The following ZNF385B variants were observed in gnomAD, a reference collection of about 807,000 sequenced individuals.
ZNF385B encodes the protein zinc finger protein 385B.
Under a neutral mutation model 39.2 loss-of-function variants are expected in ZNF385B, and 23 were observed. The observed-to-expected ratio is 0.59, with a 90% CI of 0.42 to 0.83. The LOEUF (loss-of-function observed/expected upper bound fraction) is 0.83. Ranked by LOEUF, ZNF385B falls within the 40% of genes least tolerant of loss-of-function variation. The pLI is 0.00. For missense variants in ZNF385B, 552 were observed against 598.9 expected, an observed-to-expected ratio of 0.92 and a Z score of 0.82; for synonymous variants, 205 against 222.6, an observed-to-expected ratio of 0.92 and a Z score of 0.70.
At position 179,686,762 on chromosome 2, in the gene ZNF385B, C is replaced by T. The variant is rs1399086460; in HGVS notation, c.298+82741G>A. ...CAGCTAAAAAGTATTTCTATTTTAACACTAAAAATTATCTTAATCTACTAA... is the reference window on the plus strand; with the variant it reads ...CAGCTAAAAAGTATTTCTATTTTAATACTAAAAATTATCTTAATCTACTAA... On this transcript the variant is annotated intron_variant, in intron 3 of 9. Coordinates refer to ENST00000410066, the MANE Select transcript of ZNF385B (RefSeq NM_152520.6). 6.6e-5 allele frequency among the ~76,000 whole-genome samples: 10 copies of T among 152,234 alleles called. No homozygotes were observed. In the East Asian group the frequency reaches 1.9e-3, roughly 29 times the overall value.
intron 1 of ZNF385B, among the ~76,000 whole-genome samples, chr2:179,782,709 C>G (rs1704745527): frequency 6.6e-6 from 1 of 152,220 alleles, no homozygotes; most frequent in Admixed American, 6.5e-5. Flanking sequence ...AGAGCCAAAT[C>G]AGAAAGGCAG....
chr2:179,727,226 C>T (rs552943134), intron 3 of ZNF385B, among the ~76,000 whole-genome samples: 9 of 152,030 alleles, frequency 5.9e-5, no homozygotes, highest in Admixed American at 1.3e-4. Flanking sequence ...TTTTTATAAA[C>T]TTAAAATATT....
intron 1 of ZNF385B, among the ~76,000 whole-genome samples, chr2:179,780,808 T>A (rs1704619567): frequency 6.6e-6 from 1 of 152,222 alleles, no homozygotes; most frequent in Admixed American, 6.5e-5. Flanking sequence ...AATTTTAATT[T>A]AGGATAACTT....
intron 3 of ZNF385B, among the ~76,000 whole-genome samples, chr2:179,653,056 T>C (rs2106251993): frequency 6.6e-6 from 1 of 152,234 alleles, no homozygotes; most frequent in East Asian, 1.9e-4. Context: ...TTTTAAGTAA[T>C]TGACTAAAGT....
rs115316969 is a variant in ZNF385B, at chr2:179,732,039, C to T, written c.298+37464G>A. 6.9e-3 allele frequency among the ~76,000 whole-genome samples: 1,056 copies of T among 152,292 alleles called. 6 individuals are homozygous for T. Among genetic ancestry groups the T allele is most frequent in the African/African-American group, 0.023 (951 of 41,566 alleles). On this transcript the variant is annotated intron_variant, in intron 3 of 9. Coordinates refer to ENST00000410066, the MANE Select transcript of ZNF385B (RefSeq NM_152520.6). ...GAAAGAAACTTTTTTGGATTAAGAT[C>T]GCTCTCTTTTTTGCACAAATGCTCA... is the stretch of plus-strand genomic sequence containing the variant.
At chr2:179,462,152 G>C (rs1193629325) in intron 6 of ZNF385B, among the ~76,000 whole-genome samples, 2 of 152,132 alleles carry the variant, frequency 1.3e-5, no homozygotes, top group African/African-American at 4.8e-5. Context: ...GTATTCACAA[G>C]CACCTTGTAC....
chr2:179,461,389 T>G (rs1478243586), intron 6 of ZNF385B, among the ~76,000 whole-genome samples: 1 of 152,116 alleles, frequency 6.6e-6, no homozygotes, highest in African/African-American at 2.4e-5. Context: ...AAGGTGGTAG[T>G]GGTAGAGAAT....
intron 1 of ZNF385B, among the ~76,000 whole-genome samples, chr2:179,773,065 G>T (rs997720473): frequency 1.3e-5 from 2 of 152,170 alleles, no homozygotes; most frequent in African/African-American, 4.8e-5. Flanking sequence ...ATTTCCACAG[G>T]AGTGATTTTA....
chr2:179,587,904 C>T (rs1687216687), intron 3 of ZNF385B, among the ~76,000 whole-genome samples: 1 of 152,184 alleles, frequency 6.6e-6, no homozygotes, highest in Admixed American at 6.5e-5. Flanking sequence ...TGAAATAAAA[C>T]AAACTTGCCC....
At chr2:179,845,113 G>A (rs112840873) in intron 1 of ZNF385B, among the ~76,000 whole-genome samples, 29 of 152,184 alleles carry the variant, frequency 1.9e-4, no homozygotes, top group South Asian at 8.3e-4. Flanking sequence ...AGCCCTACAC[G>A]TAGAAATGCC....
chr2:179,545,369 G>A (rs922646422), intron 3 of ZNF385B, among the ~76,000 whole-genome samples: 4 of 152,150 alleles, frequency 2.6e-5, no homozygotes, highest in African/African-American at 9.7e-5. Flanking sequence ...TTACTGAATG[G>A]CTAGTGGACA....
At chr2:179,624,276 C>T (rs1295428255) in intron 3 of ZNF385B, among the ~76,000 whole-genome samples, 2 of 152,182 alleles carry the variant, frequency 1.3e-5, no homozygotes, top group East Asian at 3.8e-4. Context: ...AGTGATTCTT[C>T]CCAGAAGGGT....
At chr2:179,574,331 C>T (rs1050956017) in intron 3 of ZNF385B, among the ~76,000 whole-genome samples, 1 of 152,120 alleles carries the variant, frequency 6.6e-6, no homozygotes, top group Non-Finnish European at 1.5e-5. Flanking sequence ...TAAATGAACT[C>T]AGTACAATTA....
chr2:179,756,257 A>G (rs969310808), intron 3 of ZNF385B, among the ~76,000 whole-genome samples: 2 of 152,188 alleles, frequency 1.3e-5, no homozygotes, highest in Non-Finnish European at 2.9e-5. Context: ...TTGGCTGGAT[A>G]TGAAATTCTG....
At chr2:179,623,515 T>C (rs1342159263) in intron 3 of ZNF385B, among the ~76,000 whole-genome samples, 1 of 152,102 alleles carries the variant, frequency 6.6e-6, no homozygotes, top group African/African-American at 2.4e-5. Flanking sequence ...ACTAGTGATA[T>C]CAAGAGGCAG....
intron 1 of ZNF385B, among the ~76,000 whole-genome samples, chr2:179,795,026 A>G (rs1437460219): frequency 6.6e-6 from 1 of 152,160 alleles, no homozygotes; most frequent in Non-Finnish European, 1.5e-5. Flanking sequence ...GTCTTGCATT[A>G]AAGGATTCTG....
chr2:179,562,284 A>T, intron 3 of ZNF385B: 1 of 730,502 alleles, frequency 1.4e-6, no homozygotes, highest in Non-Finnish European at 1.7e-6. Context: ...TATTTGTCTT[A>T]ATTCTGATAC....
intron 3 of ZNF385B, among the ~76,000 whole-genome samples, chr2:179,602,500 C>T (rs1272626730): frequency 6.7e-6 from 1 of 149,070 alleles, no homozygotes; most frequent in African/African-American, 2.5e-5. Context: ...CACCCAGCTT[C>T]TTTTTTTTTT....
At chr2:179,675,037 G>T (rs1372842593) in intron 3 of ZNF385B, among the ~76,000 whole-genome samples, 4 of 152,176 alleles carry the variant, frequency 2.6e-5, no homozygotes, top group Non-Finnish European at 4.4e-5. Context: ...CCCCCATGCA[G>T]TCAAAAATTC....
Sources: gnomAD v4.1 joint callset for allele counts (sites outside exome capture counted in the v4.1 genomes callset) on GRCh38, gnomAD v4.1.1 for gene constraint, MANE v1.5 for transcripts, NCBI Gene and HGNC (gene_info 2026-07-23, HGNC 2026-07-21) for gene names.